PSMC5: variants seen among roughly 807,000 people sequenced by gnomAD.
PSMC5 encodes proteasome 26S subunit, ATPase 5, also known as 26S proteasome regulatory subunit 8.
In PSMC5, 11 loss-of-function variants were observed where a neutral mutation model predicts 49.1. That is an observed-to-expected ratio of 0.22 (90% CI 0.14 to 0.37). The LOEUF (loss-of-function observed/expected upper bound fraction) is 0.37, where lower values mean the gene tolerates loss of function less well. PSMC5 is among the 10% of genes least tolerant of loss of function. The pLI is 1.00. For missense variants in PSMC5, 229 were observed against 520.9 expected (o/e 0.44, Z 5.45); for synonymous variants, 206 against 192.2 (o/e 1.07, Z -0.59).
chr17:63,827,988 G>A (rs2040131812), intron 1 of PSMC5, 150 bp from the exon 2 acceptor site: 3 of 1,278,452 alleles, frequency 2.3e-6, no homozygotes, highest in East Asian at 5.0e-5. Flanking sequence ...GGGAGGGAGG[G>A]ATTAGAACCC....
intron 1 of PSMC5, chr17:63,827,874 C>T: frequency 7.0e-7 from 1 of 1,427,914 alleles, no homozygotes; most frequent in Non-Finnish European, 9.1e-7. Flanking sequence ...GTGCAAAGCG[C>T]CCCCCGTCTA....
At chr17:63,828,006 G>A (rs896384734) in intron 1 of PSMC5, 132 bp from the exon 2 acceptor site, 14 of 1,309,520 alleles carry the variant, frequency 1.1e-5, no homozygotes, top group East Asian at 2.5e-5. Flanking sequence ...CCCAGATCCT[G>A]AGCCTCCGAA....
At position 63,830,253 on chromosome 17, in the gene PSMC5, C is replaced by G; in HGVS notation, c.322-18C>G. The G allele has an allele frequency of 6.2e-7, 1 of 1,614,034 alleles. No individual in the cohort carries two copies. Among genetic ancestry groups the G allele is most frequent in the Non-Finnish European group, 8.5e-7 (1 of 1,179,984 alleles). ...AGCTCTTACTGTACCACTTCTGAAA[C>G]TCGCCCCCTTCACCCAGGTGACACC... On this transcript the variant is annotated intron_variant, in intron 5 of 11. Transcript: ENST00000310144. The surrounding 1 kb of genome is among the most constrained non-coding windows in gnomAD (Gnocchi z 4.0).
At position 63,831,643 on chromosome 17, in the gene PSMC5, G is replaced by T. The variant is rs768920123; in HGVS notation, c.1080+27G>T. Reference sequence around the variant, plus strand: ...TAATTGGAGTACCCACTGAAAACAGGGCAGAGGCAGGAAGCTCTGGGCTCA... The same window carrying T: ...TAATTGGAGTACCCACTGAAAACAGTGCAGAGGCAGGAAGCTCTGGGCTCA... On this transcript the variant is annotated intron_variant, in intron 10 of 11. Transcript: ENST00000310144. The surrounding 1 kb of genome is among the most constrained non-coding windows in gnomAD (Gnocchi z 6.3). 1 of 1,613,286 alleles carries T rather than the reference G, an allele frequency of 6.2e-7. No individual in the cohort carries two copies. The highest frequency in any genetic ancestry group is 2.2e-5 in the East Asian group (1 of 44,868).
At position 63,827,734 on chromosome 17, in the gene PSMC5, G is replaced by A. The variant is rs910683834; in HGVS notation, c.24+220G>A. ...GGAAGACGCGGTAGAAGCGGAGTGA[G>A]TGAGGGAAGCGATGGGCGCGGGAAT... On this transcript the variant is annotated intron_variant, in intron 1 of 11. Transcript: ENST00000310144. The A allele has an allele frequency of 3.5e-6, 5 of 1,433,982 alleles. No individual in the cohort carries two copies. The East Asian group carries it at 7.5e-5, about 22-fold the overall frequency. The allele number at this position is 1,433,982 out of a possible 1,614,324, so 88.8% of individuals were successfully genotyped here.
In PSMC5 at chr17:63,830,575, G is replaced by C. The variant is rs2040170941; in HGVS notation, c.552+74G>C. ...TGCCCCAGCCAGCCCTACTGCAGGG[G>C]TTGGGGAGGCACCGGGATAGGCTGC... On this transcript the variant is annotated intron_variant, in intron 6 of 11. Coordinates refer to ENST00000310144, the MANE Select transcript of PSMC5 (RefSeq NM_002805.6). The surrounding 1 kb of genome is among the most constrained non-coding windows in gnomAD (Gnocchi z 4.0). 7.7e-6 allele frequency: 12 copies of C among 1,566,618 alleles called. No individual in the cohort carries two copies. The highest frequency in any genetic ancestry group is 1.0e-5 in the Non-Finnish European group (12 of 1,158,520).
rs374525393 is a variant in PSMC5, at chr17:63,830,351, A to G, written c.402A>G (p.Leu134=). The part of the protein sequence containing the change: ...HKILPNKVDP[L]VSLMMVEKVP... ...TCCTGCCCAACAAGGTAGACCCATT[A>G]GTGTCACTGATGATGGTGGAGAAAG... The change falls in exon 6 of 12, where the codon TTA becomes TTG. Residue 134 remains leucine, a synonymous_variant. Coordinates refer to ENST00000310144, the MANE Select transcript of PSMC5 (RefSeq NM_002805.6). The surrounding 1 kb of genome is among the most constrained non-coding windows in gnomAD (Gnocchi z 4.0). 78 of 1,614,098 alleles carry G rather than the reference A, an allele frequency of 4.8e-5. No homozygotes were observed. The highest frequency in any genetic ancestry group is 6.4e-5 in the Non-Finnish European group (76 of 1,180,036).
intron 2 of PSMC5, 137 bp from the exon 3 acceptor site, chr17:63,829,357 C>T: frequency 1.3e-6 from 1 of 741,432 alleles, no homozygotes; most frequent in East Asian, 2.7e-5. Flanking sequence ...TAGGATCATA[C>T]TGGAGAATCT....
chr17:63,829,843 G>A lies in PSMC5; in HGVS notation c.167-9G>A. ...AGCTAGGTGACCACTGTGTCTGTTT[G>A]CCATCTAGTTCGCCTATTGCGGGAG... On this transcript the variant is annotated splice_polypyrimidine_tract_variant and intron_variant, in intron 3 of 11. Coordinates refer to ENST00000310144, the MANE Select transcript of PSMC5 (RefSeq NM_002805.6). 6.2e-7 allele frequency: 1 copy of A among 1,614,014 alleles called. No individual in the cohort carries two copies. Among genetic ancestry groups the A allele is most frequent in the Admixed American group, 1.7e-5 (1 of 60,030 alleles).
chr17:63,828,134 T>A lies in PSMC5; in HGVS notation c.25-4T>A. On this transcript the variant is annotated splice_region_variant and splice_polypyrimidine_tract_variant and intron_variant, in intron 1 of 11. Transcript: ENST00000310144. ...GTCGTTTAAGACTCACTCTGTGTCT[T>A]CAGATGGAGCTGGAGGAGGGGAAGG... is the stretch of plus-strand genomic sequence containing the variant. 1 of 1,614,118 alleles carries A rather than the reference T, an allele frequency of 6.2e-7. No individual in the cohort carries two copies. The highest frequency in any genetic ancestry group is 8.5e-7 in the Non-Finnish European group (1 of 1,180,022).
In PSMC5 at chr17:63,831,457, G is replaced by A; in HGVS notation, c.969+32G>A. The stretch of plus-strand genomic sequence containing the variant: ...GATGGACACTGTGCAAAGTGGCTCT[G>A]GCTGTGGGGGTGGGGTGTGGGGCTC... On this transcript the variant is annotated intron_variant, in intron 9 of 11. Coordinates refer to ENST00000310144, the MANE Select transcript of PSMC5 (RefSeq NM_002805.6). This position sits in a 1 kb window ranked among gnomAD's most constrained non-coding sequence, Gnocchi z 6.3. The A allele has an allele frequency of 3.1e-6, 5 of 1,613,034 alleles. No individual in the cohort carries two copies. Among genetic ancestry groups the A allele is most frequent in the Non-Finnish European group, 4.2e-6 (5 of 1,179,078 alleles).
chr17:63,829,206 C>A, intron 2 of PSMC5: 1 of 339,790 alleles, frequency 2.9e-6, no homozygotes, highest in South Asian at 6.8e-5. Context: ...TGCCTTCCTG[C>A]AAGAAATTTG....
intron 1 of PSMC5, chr17:63,827,810 C>T (rs2040129026): frequency 2.1e-6 from 3 of 1,428,548 alleles, no homozygotes; most frequent in South Asian, 1.5e-5. Flanking sequence ...TGGCTCCGTT[C>T]CGCTGGCTCC....
chr17:63,828,800 T>A (rs1191818983), intron 2 of PSMC5: 1 of 154,842 alleles, frequency 6.5e-6, no homozygotes, highest in African/African-American at 2.4e-5. Context: ...TAAACAGTAG[T>A]CTGTTAGTGT....
Position 63,828,208 on chromosome 17 carries a change from A to G in PSMC5, c.95A>G (p.Gln32Arg). The change falls in exon 2 of 12, where the codon CAG (glutamine) becomes CGG (arginine). Residue 32 changes from glutamine to arginine, a missense_variant and splice_region_variant. Transcript: ENST00000310144. ...TATCTGTCCAAGATTGAAGAACTCC[A>G]GGTGAGGACGGACTCCAGAGGGAGC... The part of the protein sequence containing the change: ...QYYLSKIEEL[Q>R]LIVNDKSQNL... The G allele has an allele frequency of 6.2e-7, 1 of 1,614,062 alleles. No homozygotes were observed. Among genetic ancestry groups the G allele is most frequent in the Non-Finnish European group, 8.5e-7 (1 of 1,179,968 alleles).
In PSMC5 at chr17:63,830,642, G is replaced by C; in HGVS notation, c.552+141G>C. 1 of 1,464,800 alleles carries C rather than the reference G, an allele frequency of 6.8e-7. No individual in the cohort carries two copies. The highest frequency in any genetic ancestry group is 9.1e-7 in the Non-Finnish European group (1 of 1,098,756). The allele number at this position is 1,464,800 out of a possible 1,614,324, so 90.7% of individuals were successfully genotyped here. A position where few individuals can be genotyped will look rare whatever the true frequency, so the allele number is the denominator to read the frequency against. ...CCCTCCCCCTGAAAAGAGTGGCTGG[G>C]GAAGTGTTCCTAGGGCGGTGAGGTG... On this transcript the variant is annotated intron_variant, in intron 6 of 11. Coordinates refer to ENST00000310144, the MANE Select transcript of PSMC5 (RefSeq NM_002805.6). This position sits in a 1 kb window ranked among gnomAD's most constrained non-coding sequence, Gnocchi z 4.0.
At chr17:63,828,892 C>T (rs549731828) in intron 2 of PSMC5, 61 of 154,482 alleles carry the variant, frequency 3.9e-4, no homozygotes, top group African/African-American at 1.4e-3. Context: ...TAACCCCCTG[C>T]GTTGTTCAAG....
rs1014673799 is a variant in PSMC5 at position 63,830,018 on chromosome 17, C to T, written c.264+69C>T. On this transcript the variant is annotated intron_variant, in intron 4 of 11. Coordinates refer to ENST00000310144, the MANE Select transcript of PSMC5 (RefSeq NM_002805.6). The surrounding 1 kb of genome is among the most constrained non-coding windows in gnomAD (Gnocchi z 4.0). ...ATTCCCACCCCTTTGTGTGTAGCCT[C>T]GGGAGACAGGGTTCTGTGTTCTGTC... is the stretch of plus-strand genomic sequence containing the variant. The T allele has an allele frequency of 7.0e-6, 11 of 1,562,944 alleles. No homozygotes were observed. Among genetic ancestry groups the T allele is most frequent in the Admixed American group, 1.8e-5 (1 of 56,790 alleles).
rs1435542983 is a variant in PSMC5, at chr17:63,831,078, A to G, written c.722A>G (p.His241Arg). 1.3e-6 allele frequency: 2 copies of G among 1,567,016 alleles called. No individual in the cohort carries two copies. The highest frequency in any genetic ancestry group is 2.7e-5 in the African/African-American group (2 of 73,564). ...GAGCTGTTTGTCATGGCACGGGAAC[A>G]TGCTCCATCTATCATCTTCATGGAC... Reference protein sequence around the residue: ...VRELFVMAREHAPSIIFMDEI... With the variant: ...VRELFVMARERAPSIIFMDEI... The change falls in exon 8 of 12, where the codon CAT becomes CGT. Residue 241 changes from histidine (H) to arginine (R), a missense_variant. Physicochemically the swap from His to Arg is conservative, Grantham distance 29. This residue lies in a region of PSMC5 where 121 missense variants were observed against 330.6 expected (regional missense o/e 0.37). Transcript: ENST00000310144. The surrounding 1 kb of genome is among the most constrained non-coding windows in gnomAD (Gnocchi z 6.3).
Sources: gnomAD v4.1 joint callset for allele counts on GRCh38, gnomAD v4.1.1 for gene constraint, gnomAD v4.1.1 regional missense constraint, Gnocchi (gnomAD v3.1) non-coding constraint, MANE v1.5 for transcripts, NCBI Gene and HGNC (gene_info 2026-07-23, HGNC 2026-07-21) for gene names.